MGAT4C: variants seen among roughly 807,000 people sequenced by gnomAD.
MGAT4C encodes MGAT4 family member C.
In MGAT4C, 19 loss-of-function variants were observed where a neutral mutation model predicts 40.1. The observed-to-expected ratio is 0.47, with a 90% CI of 0.33 to 0.70. MGAT4C has a LOEUF of 0.70. MGAT4C is among the 30% of genes least tolerant of loss of function. The pLI is 0.02. For missense variants in MGAT4C, 491 were observed against 563.2 expected (o/e 0.87, Z 1.30); for synonymous variants, 181 against 187.1 (o/e 0.97, Z 0.27).
At chr12:85,987,529 A>G (rs2136709947) in intron 3 of MGAT4C, among the ~76,000 whole-genome samples, 1 of 152,348 alleles carries the variant, frequency 6.6e-6, no homozygotes, top group Admixed American at 6.5e-5. Context: ...ATAATCACAG[A>G]AATCTCATTG....
intron 1 of MGAT4C, among the ~76,000 whole-genome samples, chr12:86,772,780 T>G (rs2136170507): frequency 6.6e-6 from 1 of 152,324 alleles, no homozygotes; most frequent in Non-Finnish European, 1.5e-5. Flanking sequence ...CTTTTGAAAT[T>G]GAAACGTATA....
chr12:86,643,395 A>T (rs1248538858), intron 2 of MGAT4C, among the ~76,000 whole-genome samples: 1 of 151,870 alleles, frequency 6.6e-6, no homozygotes, highest in Non-Finnish European at 1.5e-5. Context: ...TTTCATGAAT[A>T]GCCATAACCA....
intron 2 of MGAT4C, among the ~76,000 whole-genome samples, chr12:86,522,245 T>C (rs1958807483): frequency 6.6e-6 from 1 of 152,166 alleles, no homozygotes; most frequent in Non-Finnish European, 1.5e-5. Context: ...GGGCTTATCA[T>C]ATATGGCTCT....
intron 2 of MGAT4C, chr12:86,011,832 A>G (rs963355289): frequency 2.0e-6 from 2 of 984,990 alleles, no homozygotes; most frequent in Admixed American, 6.1e-5. Flanking sequence ...TTAAAGTAAA[A>G]CTTTGGTCTC....
intron 1 of MGAT4C, among the ~76,000 whole-genome samples, chr12:86,208,988 AC>A: frequency 6.6e-6 from 1 of 152,116 alleles, no homozygotes; most frequent in Non-Finnish European, 1.5e-5. Flanking sequence ...ATTTGTATGG[AC>A]TTTTTTGATC....
rs1951567959 is a variant in MGAT4C at position 86,768,771 on chromosome 12, G to C, written c.-261-41530C>G. On this transcript the variant is annotated intron_variant, in intron 1 of 7. Transcript: ENST00000548651. ...TGAGAAAAACGAGCAATGGGGAAAG[G>C]ATTCCCTATTTAATCAATGGTGCTG... Among the ~76,000 whole-genome samples the C allele has an allele frequency of 5.3e-5, 8 of 152,244 alleles. No homozygotes were observed. The South Asian group carries it at 1.7e-3, about 32-fold the overall frequency.
chr12:86,097,896 T>TTTTCAACCAGCTAATGTCTCA (rs1228946620), intron 1 of MGAT4C, among the ~76,000 whole-genome samples: 1 of 151,642 alleles, frequency 6.6e-6, no homozygotes, highest in Non-Finnish European at 1.5e-5. Context: ...ACCTTTTAGC[T>TTTTCAACCAGCTAATGTCTCA]TTTCAACCAG....
At chr12:86,389,230 G>A (rs554868730) in intron 3 of MGAT4C, among the ~76,000 whole-genome samples, 2 of 152,078 alleles carry the variant, frequency 1.3e-5, no homozygotes, top group South Asian at 4.1e-4. Flanking sequence ...ATTGTGTGTT[G>A]TTTTCCTCTA....
intron 1 of MGAT4C, among the ~76,000 whole-genome samples, chr12:86,161,712 A>G (rs1885610430): frequency 6.6e-6 from 1 of 152,164 alleles, no homozygotes; most frequent in South Asian, 2.1e-4. Flanking sequence ...AACAGAGCAA[A>G]CAGACAACTT....
chr12:86,495,947 T>C (rs896196135), intron 2 of MGAT4C, among the ~76,000 whole-genome samples: 1 of 152,026 alleles, frequency 6.6e-6, no homozygotes, highest in African/African-American at 2.4e-5. Flanking sequence ...TAATTCCTGT[T>C]TTCCTACATG....
chr12:86,416,610 T>C (rs1022429620), intron 3 of MGAT4C, among the ~76,000 whole-genome samples: 2 of 152,032 alleles, frequency 1.3e-5, no homozygotes, highest in Non-Finnish European at 2.9e-5. Context: ...CCCTGCAGAA[T>C]AACAGGAACA....
chr12:86,702,744 G>A (rs1366519274), intron 2 of MGAT4C, among the ~76,000 whole-genome samples: 2 of 152,138 alleles, frequency 1.3e-5, no homozygotes, highest in East Asian at 1.9e-4. Flanking sequence ...CTCTGATGGT[G>A]ATGTACAAAG....
intron 2 of MGAT4C, among the ~76,000 whole-genome samples, chr12:86,618,124 T>A (rs1008787835): frequency 2.0e-5 from 3 of 152,114 alleles, no homozygotes; most frequent in Non-Finnish European, 4.4e-5. Context: ...AAAACCACAA[T>A]GAGATATCAT....
intron 2 of MGAT4C, among the ~76,000 whole-genome samples, chr12:86,680,822 T>A (rs1308872622): frequency 6.6e-6 from 1 of 152,006 alleles, no homozygotes; most frequent in Non-Finnish European, 1.5e-5. Context: ...AATTTAGGCT[T>A]CTATATTATG....
chr12:86,066,318 G>C (rs2137020554), intron 1 of MGAT4C, among the ~76,000 whole-genome samples: 1 of 152,074 alleles, frequency 6.6e-6, no homozygotes, highest in Non-Finnish European at 1.5e-5. Context: ...TATACTACAA[G>C]TCTACAGTAA....
chr12:86,816,022 GAACA>G (rs1362958582), intron 1 of MGAT4C, among the ~76,000 whole-genome samples: 2 of 151,850 alleles, frequency 1.3e-5, no homozygotes, highest in Non-Finnish European at 2.9e-5. Context: ...GAGAAAAAAA[GAACA>G]AATAATTTTA....
At chr12:86,501,112 C>A (rs1388688414) in intron 2 of MGAT4C, among the ~76,000 whole-genome samples, 1 of 151,962 alleles carries the variant, frequency 6.6e-6, no homozygotes, top group Non-Finnish European at 1.5e-5. Context: ...AATAATAAAA[C>A]TTGTTTAATT....
intron 2 of MGAT4C, among the ~76,000 whole-genome samples, chr12:86,447,292 A>G (rs1002453467): frequency 2.6e-5 from 4 of 152,078 alleles, no homozygotes; most frequent in Admixed American, 2.0e-4. Flanking sequence ...CTCCTGGCTA[A>G]TTTTGTATTT....
chr12:85,976,999 T>G lies in MGAT4C; in HGVS notation c.*2290A>C, dbSNP rs958449752. 1 of 151,318 alleles carries G rather than the reference T, an allele frequency of 6.6e-6. No individual in the cohort carries two copies. Among genetic ancestry groups the G allele is most frequent in the Admixed American group, 6.6e-5 (1 of 15,128 alleles). 9.4% of individuals were successfully genotyped at this position (151,318 alleles called of 1,614,324 possible). A position where few individuals can be genotyped will look rare whatever the true frequency, so the allele number is the denominator to read the frequency against. ...ACTGTAAAGAAAACATAGAGGATCC[T>G]TGGATGATTGACCAACTTATCCAAA... On this transcript the variant is annotated 3_prime_UTR_variant, in exon 5 of 5. Transcript: ENST00000611864.
Sources: allele counts gnomAD v4.1 joint callset (sites outside exome capture counted in the v4.1 genomes callset), GRCh38; gene constraint gnomAD v4.1.1; transcripts MANE v1.5; gene names NCBI Gene and HGNC (gene_info 2026-07-23, HGNC 2026-07-21).